The following ZNF462 variants were observed in gnomAD, a reference collection of about 807,000 sequenced individuals.
The protein encoded by ZNF462 is zinc finger protein 462.
In ZNF462, 10 loss-of-function variants were observed where a neutral mutation model predicts 201.9. The observed-to-expected ratio is 0.05, with a 90% CI of 0.03 to 0.08. ZNF462 has a LOEUF of 0.08. Among genes scored for constraint, ZNF462 ranks in the 10% least tolerant of loss-of-function variants. The pLI is 1.00. For missense variants in ZNF462, 2,523 were observed against 3,168.3 expected (o/e 0.80, Z 4.89); for synonymous variants, 1,227 against 1,193.3 (o/e 1.03, Z -0.58).
chr9:106,860,167 TC>T (rs1309546395), upstream of ZNF462, among the ~76,000 whole-genome samples: 2 of 151,836 alleles, frequency 1.3e-5, no homozygotes, highest in Non-Finnish European at 2.9e-5. This position sits in a 1 kb window ranked among gnomAD's most constrained non-coding sequence, Gnocchi z 7.1. Flanking sequence ...TGGAGCCAAG[TC>T]CCCCCGCGGC....
At chr9:106,882,958 A>C (rs973012369) in intron 1 of ZNF462, among the ~76,000 whole-genome samples, 25 of 152,336 alleles carry the variant, frequency 1.6e-4, no homozygotes, top group African/African-American at 5.8e-4. Context: ...GGAAGGATGA[A>C]GCAACGGAAC....
In ZNF462 at chr9:106,981,084, A is replaced by G. The variant is rs1411642147; in HGVS notation, c.6833-3102A>G. 6.6e-6 allele frequency among the ~76,000 whole-genome samples: 1 copy of G among 152,164 alleles called. No individual in the cohort carries two copies. Among genetic ancestry groups the G allele is most frequent in the African/African-American group, 2.4e-5 (1 of 41,436 alleles). ...GGTCATGTTAACCATGTTTTTAGAA[A>G]GGGGAAAAAGCTAACTTTTTTTCTA... On this transcript the variant is annotated intron_variant, in intron 9 of 12. Coordinates refer to ENST00000277225, the MANE Select transcript of ZNF462 (RefSeq NM_021224.6). This position sits in a 1 kb window ranked among gnomAD's most constrained non-coding sequence, Gnocchi z 4.0.
intron 11 of ZNF462, among the ~76,000 whole-genome samples, chr9:107,004,382 T>C (rs1485344845): frequency 6.6e-6 from 1 of 152,154 alleles, no homozygotes; most frequent in East Asian, 1.9e-4. Context: ...TAGAGAGGAC[T>C]GTACATTTAG....
chr9:106,938,562 A>G lies in ZNF462; in HGVS notation c.6236-354A>G, dbSNP rs1032685471. On this transcript the variant is annotated intron_variant, in intron 6 of 12. Coordinates refer to ENST00000277225, the MANE Select transcript of ZNF462 (RefSeq NM_021224.6). This position sits in a 1 kb window ranked among gnomAD's most constrained non-coding sequence, Gnocchi z 4.4. ...ACCTTGAATGAAACCTGACATGGTCATTTCTAGTGTAGAGAGGGAGGGAAA... is the reference window on the plus strand; with the variant it reads ...ACCTTGAATGAAACCTGACATGGTCGTTTCTAGTGTAGAGAGGGAGGGAAA... Among the ~76,000 whole-genome samples the G allele has an allele frequency of 2.0e-5, 3 of 152,338 alleles. No individual in the cohort carries two copies. Among genetic ancestry groups the G allele is most frequent in the African/African-American group, 7.2e-5 (3 of 41,580 alleles).
At chr9:106,982,034 A>G (rs923104521) in intron 9 of ZNF462, among the ~76,000 whole-genome samples, 2 of 152,208 alleles carry the variant, frequency 1.3e-5, no homozygotes, top group African/African-American at 2.4e-5. Context: ...GTTCATGTCA[A>G]CACTTCCCAT....
intron 1 of ZNF462, among the ~76,000 whole-genome samples, chr9:106,911,451 T>G (rs562944900): frequency 6.6e-6 from 1 of 152,276 alleles, no homozygotes; most frequent in South Asian, 2.1e-4. Context: ...TAAAACTTGC[T>G]TGGGCCTCAG....
At chr9:106,975,471 T>G (rs573635440) in intron 9 of ZNF462, 1 of 152,366 alleles carries the variant, frequency 6.6e-6, no homozygotes, top group African/African-American at 2.4e-5. Flanking sequence ...GGCTGGACAT[T>G]TAACATGCAC....
chr9:106,965,103 C>T (rs1333549867), intron 7 of ZNF462, among the ~76,000 whole-genome samples: 3 of 152,114 alleles, frequency 2.0e-5, no homozygotes, highest in South Asian at 2.1e-4. Context: ...GAGTTCTGTT[C>T]GGATTGCTGG....
At position 106,895,509 on chromosome 9, in the gene ZNF462, T is replaced by C. The variant is rs1383024227; in HGVS notation, c.-30-27845T>C. Among the ~76,000 whole-genome samples, 1 of 152,168 alleles carries C rather than the reference T, an allele frequency of 6.6e-6. No individual in the cohort carries two copies. The highest frequency in any genetic ancestry group is 1.9e-4 in the East Asian group (1 of 5,194). ...CCCTCATGATGCTAGCAAAATAATC[T>C]TGATAGGGCACAGCTTTCGTTATAT... On this transcript the variant is annotated intron_variant, in intron 1 of 12. Transcript: ENST00000277225. The surrounding 1 kb of genome is among the most constrained non-coding windows in gnomAD (Gnocchi z 4.4).
intron 7 of ZNF462, among the ~76,000 whole-genome samples, chr9:106,964,674 A>AT (rs1034353838): frequency 7.9e-5 from 12 of 151,538 alleles, no homozygotes; most frequent in African/African-American, 2.9e-4. Flanking sequence ...CTTAACAGTA[A>AT]TTTTTTTTTA....
intron 10 of ZNF462, among the ~76,000 whole-genome samples, chr9:106,994,069 A>T (rs899704451): frequency 6.6e-6 from 1 of 152,204 alleles, no homozygotes; most frequent in East Asian, 1.9e-4. Context: ...TTTAAGGAAC[A>T]TAAAAATATA....
rs1275137374 is a variant in ZNF462, at chr9:106,935,317, G to T, written c.6117-186G>T. ...TCTTGATCTCTTCCTTTAGCTTCCT[G>T]TCCTCTTAGAGTAGGTACAACTCTT... On this transcript the variant is annotated intron_variant, in intron 5 of 12. Transcript: ENST00000277225. The surrounding 1 kb of genome is among the most constrained non-coding windows in gnomAD (Gnocchi z 4.1). Among the ~76,000 whole-genome samples, 6 of 152,012 alleles carry T rather than the reference G, an allele frequency of 3.9e-5. No homozygotes were observed. Among genetic ancestry groups the T allele is most frequent in the Non-Finnish European group, 7.4e-5 (5 of 68,010 alleles).
intron 7 of ZNF462, among the ~76,000 whole-genome samples, chr9:106,946,654 T>A (rs1831117885): frequency 6.6e-6 from 1 of 152,076 alleles, no homozygotes; most frequent in Non-Finnish European, 1.5e-5. Flanking sequence ...AAGATGGGTA[T>A]GTAAAAAAAT....
intron 1 of ZNF462, among the ~76,000 whole-genome samples, chr9:106,881,453 T>C (rs1200741747): frequency 2.0e-5 from 3 of 152,048 alleles, no homozygotes; most frequent in Admixed American, 1.3e-4. Context: ...TTTCCCTATC[T>C]GGAAAAAAAA....
In ZNF462 at chr9:106,885,590, T is replaced by C. The variant is rs996617335; in HGVS notation, c.-31+22235T>C. Among the ~76,000 whole-genome samples, 1 of 152,184 alleles carries C rather than the reference T, an allele frequency of 6.6e-6. No individual in the cohort carries two copies. Among genetic ancestry groups the C allele is most frequent in the Admixed American group, 6.5e-5 (1 of 15,288 alleles). ...AGAGGTTGAAGTGCCTCCAAGACTTTAAGTAGCAGCTGAACATGTGATCTT... is the reference window on the plus strand; with the variant it reads ...AGAGGTTGAAGTGCCTCCAAGACTTCAAGTAGCAGCTGAACATGTGATCTT... On this transcript the variant is annotated intron_variant, in intron 1 of 12. Coordinates refer to ENST00000277225, the MANE Select transcript of ZNF462 (RefSeq NM_021224.6). This position sits in a 1 kb window ranked among gnomAD's most constrained non-coding sequence, Gnocchi z 4.1.
chr9:106,912,016 C>G (rs1263419731), intron 1 of ZNF462, among the ~76,000 whole-genome samples: 1 of 152,178 alleles, frequency 6.6e-6, no homozygotes, highest in African/African-American at 2.4e-5. Context: ...GAGTCATTCA[C>G]TAGATGTTCC....
chr9:106,905,459 A>T lies in ZNF462; in HGVS notation c.-30-17895A>T, dbSNP rs956680020. On this transcript the variant is annotated intron_variant, in intron 1 of 12. Transcript: ENST00000277225. This position sits in a 1 kb window ranked among gnomAD's most constrained non-coding sequence, Gnocchi z 5.9. ...AGCTATAGTAGTGTGGAGAGAGACC[A>T]GAGGTGGGCGGGGCCCTAGAATCCC... 5.3e-5 allele frequency among the ~76,000 whole-genome samples: 8 copies of T among 152,130 alleles called. No homozygotes were observed. Among genetic ancestry groups the T allele is most frequent in the African/African-American group, 1.9e-4 (8 of 41,440 alleles).
At position 106,984,203 on chromosome 9, in the gene ZNF462, A is replaced by G. The variant is rs1278950876; in HGVS notation, c.6850A>G (p.Ile2284Val). The G allele has an allele frequency of 1.2e-6, 2 of 1,614,010 alleles. No homozygotes were observed. Among genetic ancestry groups the G allele is most frequent in the Non-Finnish European group, 1.7e-6 (2 of 1,179,920 alleles). Residue 2284 changes from isoleucine (I) to valine (V), a missense_variant, in exon 10 of 13, where the codon ATT (isoleucine) becomes GTT (valine). By Grantham distance (29) the Ile-to-Val change is conservative. Coordinates refer to ENST00000277225, the MANE Select transcript of ZNF462 (RefSeq NM_021224.6). The surrounding 1 kb of genome is among the most constrained non-coding windows in gnomAD (Gnocchi z 6.4). ...VLHREERVVPIEVCRSKLSKY... is the reference protein window; with the variant it reads ...VLHREERVVPVEVCRSKLSKY... ...TTCCACAGAAGAGCGTGTTGTCCCC[A>G]TTGAAGTTTGCCGGTCCAAACTGTC...
At chr9:106,896,414 C>G (rs1828815439) in intron 1 of ZNF462, among the ~76,000 whole-genome samples, 1 of 152,078 alleles carries the variant, frequency 6.6e-6, no homozygotes, top group African/African-American at 2.4e-5. Flanking sequence ...GTAGAGTGGA[C>G]CTTAGCAATG....
Sources: allele counts gnomAD v4.1 joint callset (sites outside exome capture counted in the v4.1 genomes callset), GRCh38; gene constraint gnomAD v4.1.1; non-coding constraint Gnocchi (gnomAD v3.1); transcripts MANE v1.5; gene names NCBI Gene and HGNC (gene_info 2026-07-23, HGNC 2026-07-21).